PCDHGA3: variants seen among roughly 807,000 people sequenced by gnomAD.
PCDHGA3 encodes the protein protocadherin gamma-A3.
In PCDHGA3, 40 loss-of-function variants were observed where a neutral mutation model predicts 58.5. The observed-to-expected ratio is 0.68, with a 90% confidence interval of 0.53 to 0.89. PCDHGA3 has a LOEUF of 0.89. PCDHGA3 is among the 40% of genes least tolerant of loss of function. PCDHGA3 has a pLI of 0.00. For missense variants in PCDHGA3, 1,223 were observed against 1,195.9 expected, an observed-to-expected ratio of 1.02 and a Z score of -0.33; for synonymous variants, 530 against 525.7, an observed-to-expected ratio of 1.01 and a Z score of -0.11.
chr5:141,346,189 G>A lies in PCDHGA3; in HGVS notation c.2156G>A (p.Trp719Ter). 6.2e-7 allele frequency: 1 copy of A among 1,614,102 alleles called. No individual in the cohort carries two copies. Among genetic ancestry groups the A allele is most frequent in the Non-Finnish European group, 8.5e-7 (1 of 1,179,978 alleles). Residue 719 changes from tryptophan to a stop codon, truncating the protein, a stop_gained, in exon 1 of 4, where the codon TGG becomes TAG. Coordinates refer to ENST00000253812, the MANE Select transcript of PCDHGA3 (RefSeq NM_018916.4). LOFTEE classifies it high-confidence loss of function. ...CTGCTGGCGCTCAGGCTGCGGCGCT[G>A]GCACAAGTCACGCCTGCTGCAGGCT... ...IVLLALRLRR[W>*]HKSRLLQASG...
rs1248867280 is a variant in PCDHGA3 at position 141,511,325 on chromosome 5, C to T, written c.*152C>T. 18 of 1,466,406 alleles carry T rather than the reference C, an allele frequency of 1.2e-5. No homozygotes were observed. Among genetic ancestry groups the T allele is most frequent in the Non-Finnish European group, 1.5e-5 (17 of 1,099,872 alleles). 90.8% of individuals were successfully genotyped at this position (1,466,406 alleles called of 1,614,324 possible). A position where few individuals can be genotyped will look rare whatever the true frequency, so the allele number is the denominator to read the frequency against. On this transcript the variant is annotated 3_prime_UTR_variant, in exon 4 of 4. Coordinates refer to ENST00000253812, the MANE Select transcript of PCDHGA3 (RefSeq NM_018916.4). ...TCCCCTTGGGAAACAGAAACAAGTG[C>T]CCAGTCAGCACCTACCCCTTCCCCC...
intron 1 of PCDHGA3, chr5:141,423,023 C>G (rs1410040994): frequency 6.2e-7 from 1 of 1,614,222 alleles, no homozygotes; most frequent in Non-Finnish European, 8.5e-7. Context: ...GACAAAGATT[C>G]AGGCCAGAAC....
chr5:141,450,220 G>A (rs898186696), intron 1 of PCDHGA3, among the ~76,000 whole-genome samples: 12 of 151,956 alleles, frequency 7.9e-5, no homozygotes, highest in African/African-American at 2.9e-4. Flanking sequence ...GTTTCACTAT[G>A]TTGGCCAGGC....
chr5:141,406,707 T>C (rs1201619018), intron 1 of PCDHGA3, among the ~76,000 whole-genome samples: 1 of 152,228 alleles, frequency 6.6e-6, no homozygotes, highest in Non-Finnish European at 1.5e-5. Flanking sequence ...AGTATATGCT[T>C]GCTCAAGAGA....
chr5:141,463,886 C>T (rs1327677210), intron 1 of PCDHGA3, among the ~76,000 whole-genome samples: 3 of 152,118 alleles, frequency 2.0e-5, no homozygotes, highest in African/African-American at 4.8e-5. Flanking sequence ...AAAGTTTTCA[C>T]CTTGCTTTTT....
rs1757339173 is a variant in PCDHGA3 at position 141,343,902 on chromosome 5, A to G, written c.-132A>G. 3 of 815,036 alleles carry G rather than the reference A, an allele frequency of 3.7e-6. No individual in the cohort carries two copies. The highest frequency in any genetic ancestry group is 3.7e-6 in the Non-Finnish European group (2 of 534,062). 50.5% of individuals were successfully genotyped at this position (815,036 alleles called of 1,614,324 possible). On this transcript the variant is annotated 5_prime_UTR_variant, in exon 1 of 4. Coordinates refer to ENST00000253812, the MANE Select transcript of PCDHGA3 (RefSeq NM_018916.4). Reference sequence around the variant, plus strand: ...AAGATCCGGGGCGGCTGCCAACCTCACCTCTTAGTCAACCAGCTGTTTGAC... The same window carrying G: ...AAGATCCGGGGCGGCTGCCAACCTCGCCTCTTAGTCAACCAGCTGTTTGAC...
intron 1 of PCDHGA3, chr5:141,422,866 G>C: frequency 1.2e-6 from 2 of 1,614,216 alleles, no homozygotes; most frequent in Non-Finnish European, 8.5e-7. Context: ...CAGCAGCAAC[G>C]TGTCGCTGAG....
At chr5:141,414,497 A>C (rs757597548) in intron 1 of PCDHGA3, 4 of 1,613,922 alleles carry the variant, frequency 2.5e-6, no homozygotes, top group Non-Finnish European at 3.4e-6. Context: ...ACGGAAGCTC[A>C]CTTTATGCTA....
At chr5:141,508,440 T>C (rs2099868879) in intron 3 of PCDHGA3, among the ~76,000 whole-genome samples, 1 of 152,186 alleles carries the variant, frequency 6.6e-6, no homozygotes, top group African/African-American at 2.4e-5. Context: ...CACAGTTCCT[T>C]AGTGGCAGAG....
At chr5:141,360,333 G>T (rs759219766) in intron 1 of PCDHGA3, 1 of 1,613,972 alleles carries the variant, frequency 6.2e-7, no homozygotes, top group East Asian at 2.2e-5. Context: ...CCCGGAAGCT[G>T]CGGGTTAGCG....
chr5:141,349,712 T>G (rs895144903), intron 1 of PCDHGA3, among the ~76,000 whole-genome samples: 80 of 152,232 alleles, frequency 5.3e-4, no homozygotes, highest in Non-Finnish European at 1.5e-4. Context: ...CAACTAAAAA[T>G]ATAAATAAAA....
chr5:141,398,175 G>C, intron 1 of PCDHGA3: 1 of 1,475,074 alleles, frequency 6.8e-7, no homozygotes, highest in Non-Finnish European at 9.0e-7. Flanking sequence ...GGCTGCCAGT[G>C]CTCTTTCTCT....
Position 141,485,210 on chromosome 5 carries a change from C to T in PCDHGA3, c.2425-9597C>T, listed in dbSNP as rs2099609472. 1.2e-6 allele frequency: 2 copies of T among 1,614,058 alleles called. No individual in the cohort carries two copies. The highest frequency in any genetic ancestry group is 1.3e-5 in the African/African-American group (1 of 75,046). ...GGTGAGAAGCTGGACAGAAATCTGG[C>T]GGTGGGCTACCCTTTTGTTCCTCTT... On this transcript the variant is annotated intron_variant, in intron 1 of 3. Coordinates refer to ENST00000253812, the MANE Select transcript of PCDHGA3 (RefSeq NM_018916.4). The surrounding 1 kb of genome is among the most constrained non-coding windows in gnomAD (Gnocchi z 5.7).
At chr5:141,373,491 C>T (rs975077178) in intron 1 of PCDHGA3, among the ~76,000 whole-genome samples, 1 of 152,180 alleles carries the variant, frequency 6.6e-6, no homozygotes, top group Non-Finnish European at 1.5e-5. Context: ...CCCCTGCACT[C>T]TAGCCTGGGA....
rs373446844 is a variant in PCDHGA3, at chr5:141,486,661, G to A, written c.2425-8146G>A. The A allele has an allele frequency of 3.1e-6, 5 of 1,613,836 alleles. No individual in the cohort carries two copies. In the African/African-American group the frequency reaches 4.0e-5, roughly 13 times the overall value. On this transcript the variant is annotated intron_variant, in intron 1 of 3. Transcript: ENST00000253812. The surrounding 1 kb of genome is among the most constrained non-coding windows in gnomAD (Gnocchi z 5.0). The stretch of plus-strand genomic sequence containing the variant: ...CGCTTATCTCCTACTCACTCCTGGA[G>A]CCCAGGAATCGAGATGTATCAGCTT...
intron 1 of PCDHGA3, chr5:141,390,447 G>A: frequency 1.2e-6 from 1 of 843,848 alleles, no homozygotes; most frequent in Non-Finnish European, 1.8e-6. Flanking sequence ...TACAAAGGAG[G>A]AGTAAAGTAG....
intron 1 of PCDHGA3, among the ~76,000 whole-genome samples, chr5:141,402,671 G>A (rs1016182752): frequency 2.0e-5 from 3 of 152,140 alleles, no homozygotes; most frequent in Admixed American, 2.0e-4. Flanking sequence ...TTCTTTATCA[G>A]CCATCTGATA....
intron 1 of PCDHGA3, 84 bp from the exon 2 acceptor site, chr5:141,494,723 C>T: frequency 1.9e-6 from 3 of 1,606,114 alleles, no homozygotes; most frequent in Non-Finnish European, 2.6e-6. Flanking sequence ...TCCCCTCCTT[C>T]TCTCCCGGCC....
intron 1 of PCDHGA3, among the ~76,000 whole-genome samples, chr5:141,442,910 C>G (rs1419319938): frequency 6.6e-6 from 1 of 152,196 alleles, no homozygotes; most frequent in African/African-American, 2.4e-5. Flanking sequence ...TCCTTCAGCA[C>G]ACAACTGTTT....
Sources: allele counts gnomAD v4.1 joint callset (sites outside exome capture counted in the v4.1 genomes callset), GRCh38; gene constraint gnomAD v4.1.1; non-coding constraint Gnocchi (gnomAD v3.1); transcripts MANE v1.5; gene names NCBI Gene and HGNC (gene_info 2026-07-23, HGNC 2026-07-21).